Variants in LRRTM4 observed in about 807,000 individuals in gnomAD.
The protein encoded by LRRTM4 is leucine-rich repeat transmembrane neuronal protein 4.
A neutral mutation model predicts 47.6 loss-of-function variants in LRRTM4; 25 were observed. That is an observed-to-expected ratio of 0.53 (90% CI 0.38 to 0.73). LRRTM4 has a LOEUF of 0.73. Ranked by LOEUF, LRRTM4 falls within the 30% of genes least tolerant of loss-of-function variation. The pLI is 0.00. For missense variants in LRRTM4, 638 were observed against 713.4 expected, an observed-to-expected ratio of 0.89 and a Z score of 1.20; for synonymous variants, 311 against 269.5, an observed-to-expected ratio of 1.15 and a Z score of -1.51.
At chr2:77,304,159 A>T (rs1209052342) in intron 3 of LRRTM4, among the ~76,000 whole-genome samples, 1 of 152,146 alleles carries the variant, frequency 6.6e-6, no homozygotes, top group African/African-American at 2.4e-5. Flanking sequence ...AAATGAAGTG[A>T]TATCTTATTG....
chr2:76,919,215 G>C (rs748289645), intron 3 of LRRTM4, among the ~76,000 whole-genome samples: 3 of 152,062 alleles, frequency 2.0e-5, no homozygotes, highest in African/African-American at 7.3e-5. Flanking sequence ...AATCATATAC[G>C]CACCTAACAC....
intron 3 of LRRTM4, among the ~76,000 whole-genome samples, chr2:76,885,230 T>A (rs1238654450): frequency 6.6e-6 from 1 of 152,024 alleles, no homozygotes; most frequent in African/African-American, 2.4e-5. Context: ...AATAAACACA[T>A]TTAAAAACTA....
At chr2:77,169,450 C>T (rs1672984074) in intron 3 of LRRTM4, among the ~76,000 whole-genome samples, 1 of 151,930 alleles carries the variant, frequency 6.6e-6, no homozygotes, top group African/African-American at 2.4e-5. Context: ...TTGAATGTCC[C>T]CTCCAAAATT....
intron 3 of LRRTM4, among the ~76,000 whole-genome samples, chr2:76,934,443 C>T (rs921013667): frequency 1.3e-5 from 2 of 152,156 alleles, no homozygotes; most frequent in African/African-American, 4.8e-5. Flanking sequence ...ATTTAGATGT[C>T]TCCATTGTAA....
intron 3 of LRRTM4, among the ~76,000 whole-genome samples, chr2:77,002,529 T>A (rs1446707): frequency 6.6e-6 from 1 of 151,944 alleles, no homozygotes; most frequent in Non-Finnish European, 1.5e-5. Flanking sequence ...TTCCTTCTAA[T>A]TGCTATCCCT....
At chr2:77,195,504 T>G (rs13424941) in intron 3 of LRRTM4, among the ~76,000 whole-genome samples, 17,426 of 152,044 alleles carry the variant, frequency 0.11, 2,630 homozygotes, top group African/African-American at 0.35. Context: ...GAAACTAAAG[T>G]CAATAGTTTA....
chr2:76,894,636 G>T (rs1282978484), intron 3 of LRRTM4, among the ~76,000 whole-genome samples: 1 of 151,906 alleles, frequency 6.6e-6, no homozygotes, highest in Non-Finnish European at 1.5e-5. Flanking sequence ...TATATCTGGT[G>T]ATGGTATTAC....
At chr2:77,496,162 A>C (rs1007080293) in intron 3 of LRRTM4, among the ~76,000 whole-genome samples, 2 of 151,884 alleles carry the variant, frequency 1.3e-5, no homozygotes, top group Admixed American at 6.6e-5. Flanking sequence ...ATTAATATAG[A>C]TATGTAGTTG....
At chr2:77,440,573 A>C (rs548149147) in intron 3 of LRRTM4, among the ~76,000 whole-genome samples, 1 of 152,226 alleles carries the variant, frequency 6.6e-6, no homozygotes, top group East Asian at 1.9e-4. Context: ...TAGAATGTTA[A>C]TTTCAAATAA....
Position 77,131,782 on chromosome 2 carries a change from T to C in LRRTM4, c.1552-382866A>G, listed in dbSNP as rs749325852. Among the ~76,000 whole-genome samples, 18 of 152,294 alleles carry C rather than the reference T, an allele frequency of 1.2e-4. No individual in the cohort carries two copies. In the South Asian group the frequency reaches 2.9e-3, roughly 25 times the overall value. On this transcript the variant is annotated intron_variant, in intron 3 of 3. Transcript: ENST00000409884. Reference sequence around the variant, plus strand: ...TGAATATACCTGACTAGTAAATACTTAGGAGGAAGCATTCCTGAAGGACTG... The same window carrying C: ...TGAATATACCTGACTAGTAAATACTCAGGAGGAAGCATTCCTGAAGGACTG...
chr2:77,505,598 A>G (rs1003535768), intron 3 of LRRTM4, among the ~76,000 whole-genome samples: 1 of 151,580 alleles, frequency 6.6e-6, no homozygotes, highest in African/African-American at 2.4e-5. Flanking sequence ...TATAATAAAT[A>G]AGAAATGTAA....
intron 3 of LRRTM4, among the ~76,000 whole-genome samples, chr2:77,379,662 C>G (rs943285585): frequency 3.3e-5 from 5 of 151,830 alleles, no homozygotes; most frequent in African/African-American, 9.7e-5. Flanking sequence ...TTTAATTACG[C>G]CTTTGTGATA....
chr2:77,397,360 A>G (rs151327431), intron 3 of LRRTM4, among the ~76,000 whole-genome samples: 182 of 151,958 alleles, frequency 1.2e-3, no homozygotes, highest in Non-Finnish European at 2.2e-3. Context: ...GGGGAGGAGG[A>G]GGGACATTGT....
intron 3 of LRRTM4, among the ~76,000 whole-genome samples, chr2:76,807,943 TTCTTTCTTTCTTTTTC>T (rs991687685): frequency 7.3e-6 from 1 of 136,826 alleles, no homozygotes; most frequent in African/African-American, 2.9e-5. Context: ...CTTTCTTTCT[TTCTTTCTTTCTTTTTC>T]TTTTTCTTTC....
At chr2:76,763,253 T>C (rs1275348348) in intron 3 of LRRTM4, among the ~76,000 whole-genome samples, 1 of 152,236 alleles carries the variant, frequency 6.6e-6, no homozygotes, top group African/African-American at 2.4e-5. Flanking sequence ...TGAATATTTG[T>C]GTTTCTCCAA....
chr2:77,126,403 CT>C (rs1671654094), intron 3 of LRRTM4, among the ~76,000 whole-genome samples: 1 of 152,020 alleles, frequency 6.6e-6, no homozygotes, highest in South Asian at 2.1e-4. Context: ...TAGAGAAAAG[CT>C]TTGGAAGGTG....
intron 3 of LRRTM4, among the ~76,000 whole-genome samples, chr2:77,444,938 CACACACACACAT>C (rs1034325034): frequency 2.4e-4 from 29 of 118,450 alleles, no homozygotes; most frequent in East Asian, 1.1e-3. Context: ...ATTTTACACA[CACACACACACAT>C]ACACACACAC....
At chr2:76,922,941 G>A (rs1409222981) in intron 3 of LRRTM4, among the ~76,000 whole-genome samples, 1 of 151,814 alleles carries the variant, frequency 6.6e-6, no homozygotes, top group African/African-American at 2.4e-5. Flanking sequence ...GATAAATTTT[G>A]GAAAATATTA....
intron 3 of LRRTM4, among the ~76,000 whole-genome samples, chr2:76,868,078 A>C (rs1004224722): frequency 1.3e-5 from 2 of 152,154 alleles, no homozygotes; most frequent in Non-Finnish European, 2.9e-5. Flanking sequence ...CCTACACAGG[A>C]TATTAGGATC....
Sources: allele counts gnomAD v4.1 joint callset (sites outside exome capture counted in the v4.1 genomes callset), GRCh38; gene constraint gnomAD v4.1.1; transcripts MANE v1.5; gene names NCBI Gene and HGNC (gene_info 2026-07-23, HGNC 2026-07-21).